ARMH3: variants seen among roughly 807,000 people sequenced by gnomAD.
ARMH3 encodes armadillo-like helical domain-containing protein 3.
ARMH3 carries 60 observed loss-of-function variants against 99.1 expected under a neutral mutation model. That is an observed-to-expected ratio of 0.61 (90% confidence interval 0.49 to 0.75). The LOEUF (loss-of-function observed/expected upper bound fraction) is 0.75, where lower values mean the gene tolerates loss of function less well. Ranked by LOEUF, ARMH3 falls within the 30% of genes least tolerant of loss-of-function variation. ARMH3 has a pLI of 0.00. For synonymous variants in ARMH3, 285 were observed against 292.8 expected (o/e 0.97, Z 0.27); for missense variants, 679 against 843.1 (o/e 0.81, Z 2.41).
intron 23 of ARMH3, among the ~76,000 whole-genome samples, chr10:101,926,305 A>G (rs563611126): frequency 3.0e-4 from 45 of 152,338 alleles, no homozygotes; most frequent in Non-Finnish European, 5.6e-4. Context: ...CTCCTGCCTC[A>G]GCCTCCAGAA....
chr10:101,974,744 A>T (rs1337030299), intron 20 of ARMH3, among the ~76,000 whole-genome samples: 5 of 152,052 alleles, frequency 3.3e-5, no homozygotes, highest in Non-Finnish European at 7.4e-5. Flanking sequence ...AACACAAAGA[A>T]CAGGATTCCC....
At chr10:102,053,218 A>AAG (rs2067750760) in intron 1 of ARMH3, among the ~76,000 whole-genome samples, 1 of 147,830 alleles carries the variant, frequency 6.8e-6, no homozygotes, top group Admixed American at 6.9e-5. Context: ...AGAAGCTAAA[A>AAG]AAAAAAAAAA....
intron 22 of ARMH3, among the ~76,000 whole-genome samples, chr10:101,947,592 G>C (rs1022324093): frequency 6.6e-6 from 1 of 152,006 alleles, no homozygotes; most frequent in Admixed American, 6.6e-5. Context: ...CCTGAGGTTG[G>C]GAGTTCAAAA....
intron 11 of ARMH3, among the ~76,000 whole-genome samples, chr10:102,011,278 A>G (rs2066623328): frequency 6.6e-6 from 1 of 152,160 alleles, no homozygotes; most frequent in Non-Finnish European, 1.5e-5. Flanking sequence ...TCAAACAGCC[A>G]TGGCAGACAG....
rs76890581 is a variant in ARMH3, at chr10:101,951,205, A to G, written c.1705+5392T>C. On this transcript the variant is annotated intron_variant, in intron 22 of 25. Transcript: ENST00000370033. ...AGGGATTGTAAGGTACATTATCAAG[A>G]TATCAGTTTTCCCCAAAATGATCTA... Among the ~76,000 whole-genome samples, 1,508 of 152,336 alleles carry G rather than the reference A, an allele frequency of 9.9e-3. 22 individuals are homozygous for G. Among genetic ancestry groups the G allele is most frequent in the African/African-American group, 0.035 (1,449 of 41,568 alleles).
chr10:101,871,444 T>C (rs960619033), intron 24 of ARMH3, among the ~76,000 whole-genome samples: 2 of 152,210 alleles, frequency 1.3e-5, no homozygotes, highest in Non-Finnish European at 2.9e-5. Flanking sequence ...AATCAAGACA[T>C]GGTAGACCAT....
At chr10:102,019,043 TTACTA>T (rs1004049328) in intron 8 of ARMH3, among the ~76,000 whole-genome samples, 12 of 152,186 alleles carry the variant, frequency 7.9e-5, no homozygotes, top group African/African-American at 2.2e-4. Context: ...GTTTATGTAT[TTACTA>T]TACTATACTT....
intron 23 of ARMH3, among the ~76,000 whole-genome samples, chr10:101,916,183 A>T (rs1843080199): frequency 6.6e-6 from 1 of 152,196 alleles, no homozygotes; most frequent in South Asian, 2.1e-4. Context: ...ATGAAAGCTC[A>T]ATCCAGAGAA....
intron 23 of ARMH3, among the ~76,000 whole-genome samples, chr10:101,916,191 G>C (rs1770947560): frequency 6.6e-6 from 1 of 152,232 alleles, no homozygotes; most frequent in South Asian, 2.1e-4. Context: ...TCAATCCAGA[G>C]AACTCAAATA....
At chr10:101,892,159 C>T (rs948852314) in intron 23 of ARMH3, among the ~76,000 whole-genome samples, 1 of 150,372 alleles carries the variant, frequency 6.7e-6, no homozygotes, top group Non-Finnish European at 1.5e-5. Flanking sequence ...AAAATGGGTG[C>T]GTGGGCTGGG....
intron 2 of ARMH3, among the ~76,000 whole-genome samples, chr10:102,036,578 A>C (rs1338590559): frequency 6.6e-6 from 1 of 152,130 alleles, no homozygotes; most frequent in Non-Finnish European, 1.5e-5. Flanking sequence ...CCTTGCCCCC[A>C]GCCCTGTGCT....
chr10:101,910,595 T>C (rs1388136823), intron 23 of ARMH3, among the ~76,000 whole-genome samples: 1 of 151,920 alleles, frequency 6.6e-6, no homozygotes, highest in Non-Finnish European at 1.5e-5. Flanking sequence ...CCAGCCATGG[T>C]GGCACACACA....
intron 2 of ARMH3, among the ~76,000 whole-genome samples, chr10:102,035,842 G>T (rs531577504): frequency 6.6e-6 from 1 of 152,338 alleles, no homozygotes; most frequent in Admixed American, 6.5e-5. Flanking sequence ...TGGGAAGTGA[G>T]GAGCGTCTCC....
At position 101,847,386 on chromosome 10, in the gene ARMH3, T is replaced by C. The variant is rs940289170; in HGVS notation, c.*142A>G. ...TCCTGCCCCTGCTGCCCAAGCTCCA[T>C]TGAAGTGCGGTCTTCACCAAGAGAA... On this transcript the variant is annotated 3_prime_UTR_variant, in exon 26 of 26. Coordinates refer to ENST00000370033, the MANE Select transcript of ARMH3 (RefSeq NM_024541.3). 69 of 790,364 alleles carry C rather than the reference T, an allele frequency of 8.7e-5. No individual in the cohort carries two copies. The highest frequency in any genetic ancestry group is 1.5e-4 in the African/African-American group (9 of 58,308). The allele number at this position is 790,364 out of a possible 1,614,324, so 49.0% of individuals were successfully genotyped here.
intron 8 of ARMH3, among the ~76,000 whole-genome samples, chr10:102,019,832 G>A (rs985943278): frequency 2.6e-5 from 4 of 151,344 alleles, no homozygotes; most frequent in African/African-American, 9.7e-5. Context: ...GGAGGCTGAG[G>A]CAGGAGAATG....
At chr10:101,872,637 G>A (rs2067158040) in intron 24 of ARMH3, among the ~76,000 whole-genome samples, 1 of 152,088 alleles carries the variant, frequency 6.6e-6, no homozygotes, top group South Asian at 2.1e-4. Flanking sequence ...TAGTCATCAT[G>A]CAAATTAAAA....
chr10:101,910,916 G>A (rs1432589421), intron 23 of ARMH3, among the ~76,000 whole-genome samples: 1 of 151,882 alleles, frequency 6.6e-6, no homozygotes, highest in Non-Finnish European at 1.5e-5. Context: ...AAGGCGGATG[G>A]ACCACCTGGG....
chr10:101,944,007 T>C (rs1425340987), intron 22 of ARMH3, among the ~76,000 whole-genome samples: 3 of 143,838 alleles, frequency 2.1e-5, no homozygotes, highest in Non-Finnish European at 4.5e-5. Context: ...GAGCTTGCAG[T>C]GAGCCGAGAT....
chr10:102,038,555 A>G (rs2067333867), intron 2 of ARMH3, among the ~76,000 whole-genome samples: 1 of 152,070 alleles, frequency 6.6e-6, no homozygotes, highest in African/African-American at 2.4e-5. Flanking sequence ...ATGGCTTTGG[A>G]ATCAGGCACC....
Sources: allele counts gnomAD v4.1 joint callset (sites outside exome capture counted in the v4.1 genomes callset), GRCh38; gene constraint gnomAD v4.1.1; transcripts MANE v1.5; gene names NCBI Gene and HGNC (gene_info 2026-07-23, HGNC 2026-07-21).